The following INPP4B variants were observed in gnomAD, a reference collection of about 807,000 sequenced individuals.
INPP4B encodes the protein inositol polyphosphate-4-phosphatase type II B, also known as inositol polyphosphate 4-phosphatase type II.
A neutral mutation model predicts 122.5 loss-of-function variants in INPP4B; 55 were observed. That is an observed-to-expected ratio of 0.45 (90% CI 0.36 to 0.56). INPP4B has a LOEUF of 0.56. Among genes scored for constraint, INPP4B ranks in the 20% least tolerant of loss-of-function variants. INPP4B has a pLI of 0.00. For synonymous variants in INPP4B, 403 were observed against 388.7 expected (o/e 1.04, Z -0.43); for missense variants, 1,000 against 1,097.7 (o/e 0.91, Z 1.26).
At position 142,053,580 on chromosome 4, in the gene INPP4B, A is replaced by T. The variant is rs1237898398; in HGVS notation, c.2643-24666T>A. ...CCACACAGATAAAAGTTACAATTGT[A>T]CCTGTAGTCATGGCCCACTTTCTCA... On this transcript the variant is annotated intron_variant, in intron 25 of 25. Coordinates refer to ENST00000262992, the MANE Select transcript of INPP4B (RefSeq NM_001101669.3). Among the ~76,000 whole-genome samples, 17 of 59,300 alleles carry T rather than the reference A, an allele frequency of 2.9e-4. No individual in the cohort carries two copies. In the Admixed American group the frequency reaches 4.1e-3, roughly 14 times the overall value. 38.9% of individuals were successfully genotyped at this position (59,300 alleles called of 152,430 possible).
intron 1 of INPP4B, among the ~76,000 whole-genome samples, chr4:142,748,502 A>G (rs1769138627): frequency 6.6e-6 from 1 of 152,030 alleles, no homozygotes; most frequent in Admixed American, 6.6e-5. Flanking sequence ...ATCAGAAAAA[A>G]GAAGAAACAA....
At chr4:142,832,692 A>C (rs1407948505) in intron 1 of INPP4B, among the ~76,000 whole-genome samples, 1 of 152,000 alleles carries the variant, frequency 6.6e-6, no homozygotes, top group Non-Finnish European at 1.5e-5. Flanking sequence ...GGGTAACAAT[A>C]TTTGTTTAAA....
chr4:142,195,990 C>T (rs1019450393), intron 14 of INPP4B, among the ~76,000 whole-genome samples: 4 of 152,170 alleles, frequency 2.6e-5, no homozygotes, highest in African/African-American at 9.7e-5. Context: ...CTCTATTCAT[C>T]CACCTCACTG....
intron 2 of INPP4B, among the ~76,000 whole-genome samples, chr4:142,488,867 A>C (rs1475782627): frequency 1.3e-5 from 2 of 151,744 alleles, no homozygotes; most frequent in Admixed American, 6.6e-5. Context: ...ATTTGATTAC[A>C]GTATTTATTA....
intron 2 of INPP4B, among the ~76,000 whole-genome samples, chr4:142,579,809 A>G (rs971294600): frequency 1.3e-5 from 2 of 151,316 alleles, no homozygotes; most frequent in Non-Finnish European, 1.5e-5. Flanking sequence ...CCAGACTCCA[A>G]ATCACATGAG....
At chr4:142,692,035 A>G (rs1760260160) in intron 2 of INPP4B, among the ~76,000 whole-genome samples, 1 of 152,212 alleles carries the variant, frequency 6.6e-6, no homozygotes, top group South Asian at 2.1e-4. Context: ...ACCTCATGGA[A>G]GATGTTAATT....
intron 2 of INPP4B, among the ~76,000 whole-genome samples, chr4:142,525,105 G>C (rs1219817573): frequency 1.3e-5 from 2 of 150,010 alleles, no homozygotes; most frequent in South Asian, 2.1e-4. Context: ...CAGACAAACA[G>C]AGAGCCAAAT....
chr4:142,337,783 A>C (rs1363088929), intron 7 of INPP4B, among the ~76,000 whole-genome samples: 1 of 103,678 alleles, frequency 9.6e-6, no homozygotes, highest in Non-Finnish European at 2.6e-5. Flanking sequence ...ATATTTATAT[A>C]GTTTATGTAT....
intron 21 of INPP4B, among the ~76,000 whole-genome samples, chr4:142,118,756 A>G (rs1795065678): frequency 6.6e-6 from 1 of 152,184 alleles, no homozygotes; most frequent in East Asian, 1.9e-4. Flanking sequence ...TGACTAAAAC[A>G]CCAAAAGCAA....
At position 142,218,585 on chromosome 4, in the gene INPP4B, G is replaced by A. The variant is rs1848231157; in HGVS notation, c.837-9559C>T. ...AGCCCAGTATGAGAGATATAAAAGT[G>A]TTATTTGAGACTGTTATAATTTAAG... On this transcript the variant is annotated intron_variant, in intron 12 of 25. Coordinates refer to ENST00000262992, the MANE Select transcript of INPP4B (RefSeq NM_001101669.3). Among the ~76,000 whole-genome samples, 3 of 152,086 alleles carry A rather than the reference G, an allele frequency of 2.0e-5. No homozygotes were observed. In the South Asian group the frequency reaches 6.2e-4, roughly 31 times the overall value.
chr4:142,672,225 G>A (rs967693552), intron 2 of INPP4B, among the ~76,000 whole-genome samples: 1 of 152,176 alleles, frequency 6.6e-6, no homozygotes, highest in Non-Finnish European at 1.5e-5. Flanking sequence ...ACTTATGTGT[G>A]AACATAAGTT....
Position 142,086,270 on chromosome 4 carries a change from A to T in INPP4B, c.2375-14T>A. 1 of 1,309,090 alleles carries T rather than the reference A, an allele frequency of 7.6e-7. No homozygotes were observed. Among genetic ancestry groups the T allele is most frequent in the Non-Finnish European group, 1.1e-6 (1 of 904,672 alleles). 81.1% of individuals were successfully genotyped at this position (1,309,090 alleles called of 1,614,324 possible). A position where few individuals can be genotyped will look rare whatever the true frequency, so the allele number is the denominator to read the frequency against. On this transcript the variant is annotated splice_polypyrimidine_tract_variant and intron_variant, in intron 23 of 25. Transcript: ENST00000262992. ...AATGTGAAATATCTGAAGGGGAAAA[A>T]ACAAAGGAGAAAAATAAAATGAGAC... is the stretch of plus-strand genomic sequence containing the variant.
At chr4:142,562,895 T>C (rs748997207) in intron 2 of INPP4B, among the ~76,000 whole-genome samples, 1 of 152,172 alleles carries the variant, frequency 6.6e-6, no homozygotes, top group Admixed American at 6.5e-5. Context: ...GCCATTGTAG[T>C]TGAATTTCCC....
chr4:142,322,453 A>G (rs1275564386), intron 7 of INPP4B, among the ~76,000 whole-genome samples: 1 of 152,172 alleles, frequency 6.6e-6, no homozygotes, highest in African/African-American at 2.4e-5. Flanking sequence ...GGTAAAATTA[A>G]TGAAAGGAGT....
intron 2 of INPP4B, among the ~76,000 whole-genome samples, chr4:142,478,547 T>C (rs149883967): frequency 0.014 from 2,071 of 152,332 alleles, 51 homozygotes; most frequent in African/African-American, 0.046. Flanking sequence ...GAGATAATCA[T>C]GTGGTTTTTG....
chr4:142,215,220 A>C (rs1056145494), intron 12 of INPP4B, among the ~76,000 whole-genome samples: 2 of 152,162 alleles, frequency 1.3e-5, no homozygotes, highest in African/African-American at 4.8e-5. Flanking sequence ...AATACCATAA[A>C]GCTTTTAGAC....
intron 16 of INPP4B, among the ~76,000 whole-genome samples, chr4:142,168,292 T>C (rs1035172604): frequency 6.6e-6 from 1 of 151,598 alleles, no homozygotes; most frequent in Admixed American, 6.6e-5. Context: ...TTTTTGTCAT[T>C]TCTGTTTATA....
At chr4:142,386,525 C>T (rs1796017686) in intron 7 of INPP4B, among the ~76,000 whole-genome samples, 1 of 152,176 alleles carries the variant, frequency 6.6e-6, no homozygotes, top group South Asian at 2.1e-4. Flanking sequence ...GGAGTATGCA[C>T]CTGTAACAAC....
intron 2 of INPP4B, among the ~76,000 whole-genome samples, chr4:142,642,056 T>G (rs937443421): frequency 6.6e-6 from 1 of 152,306 alleles, no homozygotes; most frequent in East Asian, 1.9e-4. Context: ...TTGGCTGCAT[T>G]GATGTCTTCT....
Sources: gnomAD v4.1 joint callset for allele counts (sites outside exome capture counted in the v4.1 genomes callset) on GRCh38, gnomAD v4.1.1 for gene constraint, MANE v1.5 for transcripts, NCBI Gene and HGNC (gene_info 2026-07-23, HGNC 2026-07-21) for gene names.